POU6F2: variants seen among roughly 807,000 people sequenced by gnomAD.
POU6F2 encodes POU class 6 homeobox 2, also known as POU domain, class 6, transcription factor 2.
In POU6F2, 31 loss-of-function variants were observed where a neutral mutation model predicts 71.3. The observed-to-expected ratio is 0.43, with a 90% CI of 0.33 to 0.59. The LOEUF is 0.59. POU6F2 is among the 20% of genes least tolerant of loss of function. The pLI is 0.04. For missense variants in POU6F2, 783 were observed against 856.8 expected (o/e 0.91, Z 1.07); for synonymous variants, 347 against 355.7 (o/e 0.98, Z 0.27).
At chr7:39,441,908 A>C (rs968746778) in intron 7 of POU6F2, among the ~76,000 whole-genome samples, 1 of 152,268 alleles carries the variant, frequency 6.6e-6, no homozygotes, top group African/African-American at 2.4e-5. Flanking sequence ...ATGTGAAGTC[A>C]GAAAGCTGTA....
Position 39,187,620 on chromosome 7 carries a change from C to T in POU6F2, c.278-16615C>T, listed in dbSNP as rs1034093956. On this transcript the variant is annotated intron_variant, in intron 2 of 9. Coordinates refer to ENST00000518318, the MANE Select transcript of POU6F2 (RefSeq NM_001370959.1). ...ATTTTGGATTTGAGAGCCGCTACTTCTGGGGGTGAGGCAGAGAAACCAGGC... is the reference window on the plus strand; with the variant it reads ...ATTTTGGATTTGAGAGCCGCTACTTTTGGGGGTGAGGCAGAGAAACCAGGC... Among the ~76,000 whole-genome samples, 62 of 152,316 alleles carry T rather than the reference C, an allele frequency of 4.1e-4. 1 individual carries two copies. The highest frequency in any genetic ancestry group is 6.8e-3 in the Middle Eastern group (2 of 294).
chr7:39,085,649 G>T, intron 1 of POU6F2: 1 of 516,728 alleles, frequency 1.9e-6, no homozygotes, highest in Non-Finnish European at 3.5e-6. Flanking sequence ...AGGGTGGGGA[G>T]TAATGGAGAA....
chr7:39,449,624 G>C (rs1583613591), intron 7 of POU6F2, among the ~76,000 whole-genome samples: 1 of 152,042 alleles, frequency 6.6e-6, no homozygotes, highest in African/African-American at 2.4e-5. Flanking sequence ...AAAAACACAA[G>C]TAGACACACA....
chr7:38,996,518 C>A (rs1788742875), intron 1 of POU6F2, among the ~76,000 whole-genome samples: 1 of 152,142 alleles, frequency 6.6e-6, no homozygotes, highest in South Asian at 2.1e-4. Context: ...ACTATTATTT[C>A]TATCTATTCT....
At chr7:39,120,177 AT>A (rs766550102) in intron 2 of POU6F2, among the ~76,000 whole-genome samples, 153 of 152,240 alleles carry the variant, frequency 1.0e-3, no homozygotes, top group Non-Finnish European at 1.9e-3. Flanking sequence ...ATTTAAAAAC[AT>A]TTTTTAATAG....
At chr7:39,452,730 T>A (rs981083933) in intron 8 of POU6F2, among the ~76,000 whole-genome samples, 3 of 152,192 alleles carry the variant, frequency 2.0e-5, no homozygotes, top group Admixed American at 1.3e-4. Context: ...ATTATACTGA[T>A]AATTAAGGCA....
chr7:39,214,859 G>A (rs928452654), intron 4 of POU6F2, among the ~76,000 whole-genome samples: 1 of 152,190 alleles, frequency 6.6e-6, no homozygotes, highest in African/African-American at 2.4e-5. Flanking sequence ...TACAGGAGCG[G>A]GAAGAAGGCA....
chr7:39,339,301 G>A (rs1448246219), intron 4 of POU6F2, among the ~76,000 whole-genome samples: 1 of 152,182 alleles, frequency 6.6e-6, no homozygotes, highest in Non-Finnish European at 1.5e-5. Flanking sequence ...CTTGAAGCAT[G>A]AATGTATTTC....
chr7:39,130,178 G>A (rs919707764), intron 2 of POU6F2, among the ~76,000 whole-genome samples: 1 of 139,956 alleles, frequency 7.1e-6, no homozygotes, highest in African/African-American at 2.6e-5. Context: ...GTGTGTGTGT[G>A]TGTTTTAATG....
chr7:39,449,988 T>C (rs1052771714), intron 7 of POU6F2, among the ~76,000 whole-genome samples: 6 of 152,040 alleles, frequency 3.9e-5, no homozygotes, highest in Admixed American at 2.0e-4. Context: ...GGAGGGAACA[T>C]TGTGGAATGA....
At chr7:39,194,359 T>C (rs1793734128) in intron 2 of POU6F2, among the ~76,000 whole-genome samples, 1 of 152,210 alleles carries the variant, frequency 6.6e-6, no homozygotes, top group African/African-American at 2.4e-5. Context: ...GCATTAAAAA[T>C]GTCTTGTTTG....
chr7:39,104,046 C>A (rs944880886), intron 2 of POU6F2, among the ~76,000 whole-genome samples: 1 of 152,176 alleles, frequency 6.6e-6, no homozygotes, highest in Non-Finnish European at 1.5e-5. Flanking sequence ...ACTGGGAAAG[C>A]TAGAGCAAAA....
At chr7:39,007,665 A>C (rs911397951) in intron 1 of POU6F2, among the ~76,000 whole-genome samples, 7 of 152,162 alleles carry the variant, frequency 4.6e-5, no homozygotes, top group Middle Eastern at 3.4e-3. Flanking sequence ...CCCCAATGCT[A>C]TCCCTCCCCA....
At chr7:39,132,822 T>C (rs1196447429) in intron 2 of POU6F2, among the ~76,000 whole-genome samples, 1 of 152,194 alleles carries the variant, frequency 6.6e-6, no homozygotes, top group Non-Finnish European at 1.5e-5. Flanking sequence ...AGATGGATTT[T>C]TTTTTCTTCA....
intron 2 of POU6F2, among the ~76,000 whole-genome samples, chr7:39,199,499 A>G (rs60193438): frequency 1.4e-5 from 2 of 142,896 alleles, no homozygotes; most frequent in Admixed American, 7.0e-5. Flanking sequence ...ATTTTTTTTT[A>G]AAAGAATTGG....
chr7:39,109,586 G>A (rs1002677817), intron 2 of POU6F2, among the ~76,000 whole-genome samples: 3 of 152,098 alleles, frequency 2.0e-5, no homozygotes, highest in Admixed American at 6.5e-5. Context: ...TAGTCCTGGT[G>A]TATGAGCTTA....
In POU6F2 at chr7:39,117,406, G is replaced by T. The variant is rs374238756; in HGVS notation, c.277+31375G>T. Among the ~76,000 whole-genome samples the T allele has an allele frequency of 1.2e-4, 18 of 152,214 alleles. No individual in the cohort carries two copies. The South Asian group carries it at 3.7e-3, about 32-fold the overall frequency. ...TTAGAGTGGACTCAGAGTTAAACAT[G>T]GGTGATTGAAAACATGCATTTTTCT... On this transcript the variant is annotated intron_variant, in intron 2 of 9. Coordinates refer to ENST00000518318, the MANE Select transcript of POU6F2 (RefSeq NM_001370959.1).
At chr7:39,366,112 C>T (rs888637160) in intron 5 of POU6F2, among the ~76,000 whole-genome samples, 1 of 152,090 alleles carries the variant, frequency 6.6e-6, no homozygotes. Flanking sequence ...ATTGTTTAAC[C>T]AGTAACAAAC....
At chr7:39,083,513 C>T (rs1177298054) in intron 1 of POU6F2, 1 of 151,394 alleles carries the variant, frequency 6.6e-6, no homozygotes, top group Non-Finnish European at 1.5e-5. Context: ...ACCCACCCAC[C>T]AACTGAATCA....
Sources: gnomAD v4.1 joint callset for allele counts (sites outside exome capture counted in the v4.1 genomes callset) on GRCh38, gnomAD v4.1.1 for gene constraint, MANE v1.5 for transcripts, NCBI Gene and HGNC (gene_info 2026-07-23, HGNC 2026-07-21) for gene names.